The following MCTP2 variants were observed in gnomAD, a reference collection of about 807,000 sequenced individuals.
MCTP2 encodes multiple C2 and transmembrane domain-containing protein 2.
In MCTP2, 132 loss-of-function variants were observed where a neutral mutation model predicts 111.6. That is an observed-to-expected ratio of 1.18 (90% confidence interval 1.03 to 1.37). The LOEUF (loss-of-function observed/expected upper bound fraction) is 1.37. Among genes scored for constraint, MCTP2 ranks in the 40% most tolerant of loss-of-function variants. MCTP2 has a pLI of 0.00. For missense variants in MCTP2, 1,183 were observed against 1,067.9 expected (o/e 1.11, Z -1.50); for synonymous variants, 395 against 387.7 (o/e 1.02, Z -0.22).
At chr15:94,462,659 C>A (rs1364807761) in intron 20 of MCTP2, among the ~76,000 whole-genome samples, 1 of 152,090 alleles carries the variant, frequency 6.6e-6, no homozygotes. Flanking sequence ...TTTTTTAAAG[C>A]GCCTACTACA....
chr15:94,405,426 T>A (rs1301267086), intron 17 of MCTP2, among the ~76,000 whole-genome samples: 1 of 152,310 alleles, frequency 6.6e-6, no homozygotes. Context: ...CATAATCGTA[T>A]CTTGTTGAAA....
chr15:94,424,163 C>T (rs764587816), intron 17 of MCTP2, among the ~76,000 whole-genome samples: 20 of 152,096 alleles, frequency 1.3e-4, no homozygotes, highest in South Asian at 1.2e-3. Flanking sequence ...CTGTGACTTG[C>T]ATTTATTTAC....
intron 14 of MCTP2, among the ~76,000 whole-genome samples, chr15:94,388,485 A>G (rs1368915150): frequency 2.6e-5 from 4 of 152,258 alleles, no homozygotes; most frequent in African/African-American, 9.6e-5. Flanking sequence ...AATATTAGAT[A>G]TAAATATGAT....
In MCTP2 at chr15:94,302,046, G is replaced by T. The variant is rs1282124918; in HGVS notation, c.465+3316G>T. Reference sequence around the variant, plus strand: ...GCCTGGTGTACAGCAAGGACAATCAGATTTTTGTCCAGTGTTCTCAGTTTA... The same window carrying T: ...GCCTGGTGTACAGCAAGGACAATCATATTTTTGTCCAGTGTTCTCAGTTTA... On this transcript the variant is annotated intron_variant, in intron 2 of 22. Coordinates refer to ENST00000357742, the MANE Select transcript of MCTP2 (RefSeq NM_001385001.1). Among the ~76,000 whole-genome samples, 3 of 152,168 alleles carry T rather than the reference G, an allele frequency of 2.0e-5. No homozygotes were observed. The East Asian group carries it at 5.8e-4, about 29-fold the overall frequency.
At chr15:94,418,449 A>C (rs1379560276) in intron 17 of MCTP2, among the ~76,000 whole-genome samples, 1 of 152,160 alleles carries the variant, frequency 6.6e-6, no homozygotes, top group East Asian at 1.9e-4. Flanking sequence ...TGTATTTACC[A>C]AAATCAGACT....
intron 1 of MCTP2, among the ~76,000 whole-genome samples, chr15:94,270,917 T>A (rs541156093): frequency 5.8e-4 from 88 of 152,348 alleles, no homozygotes; most frequent in Non-Finnish European, 5.0e-4. Context: ...TACTCTGCCT[T>A]GTTCACTGAT....
At chr15:94,423,378 GAATATTTTCTACACACCTGTAAATA>G (rs1392451312) in intron 17 of MCTP2, among the ~76,000 whole-genome samples, 1 of 152,040 alleles carries the variant, frequency 6.6e-6, no homozygotes, top group Non-Finnish European at 1.5e-5. Context: ...GATCCAAAGT[GAATATTTTCTACACACCTGTAAATA>G]AATATTTACT....
At chr15:94,466,099 TTCA>T (rs1015256344) in intron 20 of MCTP2, among the ~76,000 whole-genome samples, 92 of 152,284 alleles carry the variant, frequency 6.0e-4, no homozygotes, top group African/African-American at 2.2e-3. Context: ...AAAATTCTAC[TTCA>T]TCAATTTTTC....
chr15:94,404,380 C>T (rs2081786596), intron 17 of MCTP2, among the ~76,000 whole-genome samples: 1 of 150,470 alleles, frequency 6.6e-6, no homozygotes, highest in Non-Finnish European at 1.5e-5. Context: ...TGGCTCACTG[C>T]AACCCCTGCC....
intron 17 of MCTP2, among the ~76,000 whole-genome samples, chr15:94,410,486 G>C (rs2082105802): frequency 1.3e-5 from 2 of 151,916 alleles, no homozygotes; most frequent in Non-Finnish European, 1.5e-5. Context: ...AGCACTTTCA[G>C]AGACAGAGGC....
intron 14 of MCTP2, among the ~76,000 whole-genome samples, chr15:94,390,080 A>ATG (rs1555464885): frequency 3.4e-4 from 4 of 11,814 alleles, no homozygotes; most frequent in African/African-American, 9.5e-4. Flanking sequence ...ATATATATAT[A>ATG]TATATATATG....
At chr15:94,287,968 A>T (rs183720399) in intron 1 of MCTP2, among the ~76,000 whole-genome samples, 85 of 152,284 alleles carry the variant, frequency 5.6e-4, no homozygotes, top group African/African-American at 1.9e-3. Flanking sequence ...TGCCTCCTTT[A>T]TCTCACTTTT....
chr15:94,236,609 C>T (rs1596118773), intron 1 of MCTP2, among the ~76,000 whole-genome samples: 1 of 151,914 alleles, frequency 6.6e-6, no homozygotes, highest in East Asian at 1.9e-4. Flanking sequence ...TCTGAGAATG[C>T]CAGCTGTGTC....
chr15:94,449,358 T>G (rs1459891503), intron 19 of MCTP2, among the ~76,000 whole-genome samples: 1 of 152,210 alleles, frequency 6.6e-6, no homozygotes, highest in East Asian at 1.9e-4. Flanking sequence ...AAACCAAGGC[T>G]AAGAGAACTT....
chr15:94,294,590 T>C (rs1313484027), intron 1 of MCTP2, among the ~76,000 whole-genome samples: 2 of 152,226 alleles, frequency 1.3e-5, no homozygotes, highest in Non-Finnish European at 2.9e-5. Context: ...ATTTTTCCAC[T>C]TAGACACATT....
At chr15:94,406,565 G>C (rs538507127) in intron 17 of MCTP2, among the ~76,000 whole-genome samples, 4 of 152,326 alleles carry the variant, frequency 2.6e-5, no homozygotes, top group Admixed American at 2.6e-4. Context: ...TAATTCTTTA[G>C]CTCAGTTATT....
chr15:94,451,764 A>G (rs2084477620), intron 19 of MCTP2, among the ~76,000 whole-genome samples: 1 of 152,234 alleles, frequency 6.6e-6, no homozygotes, highest in Non-Finnish European at 1.5e-5. Context: ...ATGGAACTGC[A>G]GACGATCTTT....
chr15:94,294,334 A>C (rs2075163713), intron 1 of MCTP2, among the ~76,000 whole-genome samples: 2 of 152,226 alleles, frequency 1.3e-5, no homozygotes, highest in Non-Finnish European at 2.9e-5. Context: ...AAGTGAGAAA[A>C]AAGCCAATTT....
At chr15:94,420,470 C>T (rs2082573156) in intron 17 of MCTP2, among the ~76,000 whole-genome samples, 1 of 151,952 alleles carries the variant, frequency 6.6e-6, no homozygotes, top group Non-Finnish European at 1.5e-5. Context: ...AAGGATTCAC[C>T]ATTCTAGATG....
Sources: allele counts gnomAD v4.1 joint callset (sites outside exome capture counted in the v4.1 genomes callset), GRCh38; gene constraint gnomAD v4.1.1; transcripts MANE v1.5; gene names NCBI Gene and HGNC (gene_info 2026-07-23, HGNC 2026-07-21).